The following TMEM117 variants were observed in gnomAD, a reference collection of about 807,000 sequenced individuals.
TMEM117 encodes transmembrane protein 117.
In TMEM117, 27 loss-of-function variants were observed where a neutral mutation model predicts 52.4. That is an observed-to-expected ratio of 0.51 (90% CI 0.38 to 0.71). TMEM117 has a LOEUF of 0.71. TMEM117 is among the 30% of genes least tolerant of loss of function. TMEM117 has a pLI of 0.00. For missense variants in TMEM117, 556 were observed against 630.5 expected (o/e 0.88, Z 1.26); for synonymous variants, 215 against 206.3 (o/e 1.04, Z -0.36).
At chr12:44,374,449 G>A (rs1230111060) in intron 6 of TMEM117, among the ~76,000 whole-genome samples, 2 of 151,852 alleles carry the variant, frequency 1.3e-5, no homozygotes, top group East Asian at 1.9e-4. Flanking sequence ...CACACCCCCA[G>A]GCCCAAACTA....
chr12:43,923,822 A>G (rs1178756498), intron 2 of TMEM117, among the ~76,000 whole-genome samples: 1 of 152,176 alleles, frequency 6.6e-6, no homozygotes, highest in African/African-American at 2.4e-5. Flanking sequence ...TAATATTCTA[A>G]CCACAGATTT....
intron 2 of TMEM117, among the ~76,000 whole-genome samples, chr12:43,854,370 A>G (rs900183016): frequency 4.6e-5 from 7 of 151,956 alleles, no homozygotes; most frequent in African/African-American, 1.7e-4. Flanking sequence ...CTGATAGGAT[A>G]TGAGTAGGCA....
chr12:43,865,391 G>T (rs997487135), intron 2 of TMEM117, among the ~76,000 whole-genome samples: 1 of 152,140 alleles, frequency 6.6e-6, no homozygotes, highest in Non-Finnish European at 1.5e-5. Context: ...CCGCAGGATT[G>T]TGGGCAAAAA....
the TMEM117 span, among the ~76,000 whole-genome samples, chr12:43,827,544 T>C: frequency 6.6e-6 from 1 of 152,092 alleles, no homozygotes; most frequent in African/African-American, 2.4e-5. Context: ...ATAACATTAT[T>C]GGGGGGGATA....
chr12:44,127,542 G>T (rs776763083), intron 3 of TMEM117, among the ~76,000 whole-genome samples: 3 of 151,980 alleles, frequency 2.0e-5, no homozygotes, highest in African/African-American at 4.8e-5. Context: ...TGGGTTTGTT[G>T]GTGCATGCCT....
chr12:44,188,578 C>T (rs547316580), intron 4 of TMEM117, among the ~76,000 whole-genome samples: 2 of 152,192 alleles, frequency 1.3e-5, no homozygotes, highest in South Asian at 4.1e-4. Flanking sequence ...TAGTAACAAG[C>T]TTCCTTGCTC....
chr12:43,944,256 G>A lies in TMEM117; in HGVS notation c.324G>A (p.Trp108Ter). ...TGTTTCGAGAAGATCATGGGTCGTG[G>A]ATGACAATGTTCTTCAGCACAATTC... is the stretch of plus-strand genomic sequence containing the variant. ...LKMFREDHGS[W>*]MTMFFSTILF... is the part of the protein sequence containing the mutation. Residue 108 changes from tryptophan (W) to a stop codon, truncating the protein, a stop_gained, in exon 3 of 8, where the codon TGG (tryptophan) becomes TGA (stop). Transcript: ENST00000266534. LOFTEE classifies it high-confidence loss of function. The A allele has an allele frequency of 6.2e-7, 1 of 1,613,288 alleles. No individual in the cohort carries two copies. The highest frequency in any genetic ancestry group is 8.5e-7 in the Non-Finnish European group (1 of 1,179,446).
intron 4 of TMEM117, among the ~76,000 whole-genome samples, chr12:44,198,201 G>A (rs1018440666): frequency 3.9e-5 from 6 of 152,172 alleles, no homozygotes; most frequent in African/African-American, 1.4e-4. Flanking sequence ...GTCTGTGTAT[G>A]TGATGTGCTG....
chr12:44,060,837 T>C (rs952591054), intron 3 of TMEM117, among the ~76,000 whole-genome samples: 5 of 152,182 alleles, frequency 3.3e-5, no homozygotes, highest in African/African-American at 1.2e-4. Flanking sequence ...ACATATGCTT[T>C]TATTTTGTAA....
intron 4 of TMEM117, among the ~76,000 whole-genome samples, chr12:44,156,037 T>C (rs1948820990): frequency 6.6e-6 from 1 of 152,110 alleles, no homozygotes; most frequent in Non-Finnish European, 1.5e-5. Context: ...TAATCATAGC[T>C]GATAAGAACA....
chr12:43,941,147 TACAC>T (rs754655480), intron 2 of TMEM117, among the ~76,000 whole-genome samples: 1 of 152,210 alleles, frequency 6.6e-6, no homozygotes, highest in African/African-American at 2.4e-5. Flanking sequence ...ATAACATAAA[TACAC>T]ACTCAGATTT....
At chr12:44,185,661 A>G (rs1449600298) in intron 4 of TMEM117, among the ~76,000 whole-genome samples, 1 of 152,140 alleles carries the variant, frequency 6.6e-6, no homozygotes, top group Admixed American at 6.6e-5. Flanking sequence ...TTTTCATGAT[A>G]CAAATATTCC....
intron 4 of TMEM117, among the ~76,000 whole-genome samples, chr12:44,210,208 G>GT (rs1949626880): frequency 6.6e-6 from 1 of 152,052 alleles, no homozygotes. Context: ...ATGGAATGGT[G>GT]TTCTCTTCTC....
intron 5 of TMEM117, among the ~76,000 whole-genome samples, chr12:44,267,762 T>C (rs945025022): frequency 3.3e-5 from 5 of 152,210 alleles, no homozygotes; most frequent in Non-Finnish European, 7.3e-5. Context: ...TCATGTAGTA[T>C]TTGTCCTTTT....
At chr12:44,345,523 G>T (rs1422884946) in intron 6 of TMEM117, among the ~76,000 whole-genome samples, 2 of 152,008 alleles carry the variant, frequency 1.3e-5, no homozygotes, top group Non-Finnish European at 2.9e-5. Context: ...ACATAGTGAT[G>T]ATTAAATAAG....
intron 3 of TMEM117, among the ~76,000 whole-genome samples, chr12:44,089,848 A>T (rs1186985889): frequency 6.6e-6 from 1 of 152,194 alleles, no homozygotes; most frequent in African/African-American, 2.4e-5. Context: ...TGTTGTAAAT[A>T]AAAACAGCCA....
At chr12:44,151,610 A>G (rs1019049626) in intron 4 of TMEM117, among the ~76,000 whole-genome samples, 2 of 148,952 alleles carry the variant, frequency 1.3e-5, no homozygotes, top group African/African-American at 5.0e-5. Context: ...CTTTGAATAA[A>G]GCCCAGGAGG....
chr12:44,089,723 G>A (rs1281066515), intron 3 of TMEM117, among the ~76,000 whole-genome samples: 1 of 152,152 alleles, frequency 6.6e-6, no homozygotes, highest in Admixed American at 6.5e-5. Flanking sequence ...CTAGTGAATA[G>A]CAATTTCTTC....
chr12:44,195,889 AAAATAAATAAATAAATAAATAAAT>A (rs71091196), intron 4 of TMEM117, among the ~76,000 whole-genome samples: 1 of 136,590 alleles, frequency 7.3e-6, no homozygotes, highest in South Asian at 2.4e-4. Context: ...CCCTGTCTCT[AAAATAAATAAATAAATAAATAAAT>A]AAATAAATAA....
Sources: gnomAD v4.1 joint callset for allele counts (sites outside exome capture counted in the v4.1 genomes callset) on GRCh38, gnomAD v4.1.1 for gene constraint, MANE v1.5 for transcripts, NCBI Gene and HGNC (gene_info 2026-07-23, HGNC 2026-07-21) for gene names.